Variants in CABP1 observed in about 807,000 individuals in gnomAD.
The protein encoded by CABP1 is calcium binding protein 1.
In CABP1, 17 loss-of-function variants were observed where a neutral mutation model predicts 34.3. The ratio of observed to expected loss-of-function variants is 0.50; its 90% CI spans 0.34 to 0.74. CABP1 has a LOEUF of 0.74. CABP1 is among the 30% of genes least tolerant of loss of function. CABP1 has a pLI of 0.01. For missense variants in CABP1, 373 were observed against 511.1 expected (o/e 0.73, Z 2.61); for synonymous variants, 198 against 229.2 (o/e 0.86, Z 1.23).
chr12:120,646,263 C>G (rs974902382), intron 1 of CABP1, among the ~76,000 whole-genome samples: 1 of 152,206 alleles, frequency 6.6e-6, no homozygotes, highest in Non-Finnish European at 1.5e-5. Flanking sequence ...CATCCAAGTT[C>G]AAAGGCTGGT....
rs757561010 is a variant in CABP1 at position 120,660,190 on chromosome 12, C to T, written c.686-6C>T. On this transcript the variant is annotated splice_region_variant and splice_polypyrimidine_tract_variant and intron_variant, in intron 2 of 5. Coordinates refer to ENST00000316803, the MANE Select transcript of CABP1 (RefSeq NM_001033677.2). This position sits in a 1 kb window ranked among gnomAD's most constrained non-coding sequence, Gnocchi z 5.0. ...TGACCACATCCACCTTTGCTCACTT[C>T]CCCAGAGCTCCGAGAGGCCTTCAGA... 2.5e-6 allele frequency: 4 copies of T among 1,613,864 alleles called. No homozygotes were observed. In the South Asian group the frequency reaches 3.3e-5, roughly 13 times the overall value.
intron 1 of CABP1, among the ~76,000 whole-genome samples, chr12:120,651,882 C>T (rs573135085): frequency 1.3e-5 from 2 of 152,210 alleles, no homozygotes; most frequent in African/African-American, 2.4e-5. Context: ...GTGCCCTCCG[C>T]GCTGTCCCAG....
At position 120,661,483 on chromosome 12, in the gene CABP1, T is replaced by C; in HGVS notation, c.1087+265T>C. 2.3e-6 allele frequency: 1 copy of C among 431,128 alleles called. No individual in the cohort carries two copies. Among genetic ancestry groups the C allele is most frequent in the African/African-American group, 2.0e-5 (1 of 50,138 alleles). The allele number at this position is 431,128 out of a possible 1,614,324, so 26.7% of individuals were successfully genotyped here. A position where few individuals can be genotyped will look rare whatever the true frequency, so the allele number is the denominator to read the frequency against. ...ATTTATCCATCCATTCATCTACCTA[T>C]CTATCCATCTGTCCACCATCCATCC... On this transcript the variant is annotated intron_variant, in intron 5 of 5. Coordinates refer to ENST00000316803, the MANE Select transcript of CABP1 (RefSeq NM_001033677.2). The surrounding 1 kb of genome is among the most constrained non-coding windows in gnomAD (Gnocchi z 5.1).
intron 1 of CABP1, among the ~76,000 whole-genome samples, chr12:120,658,591 T>A (rs553270493): frequency 6.6e-6 from 1 of 152,318 alleles, no homozygotes; most frequent in East Asian, 1.9e-4. Context: ...GGTTGTCCCA[T>A]GAGATGTGAC....
chr12:120,650,463 A>T, intron 1 of CABP1: 1 of 1,460,904 alleles, frequency 6.8e-7, no homozygotes, highest in South Asian at 1.4e-5. Context: ...GAGCAGGAGC[A>T]GGCAGACGAG....
At chr12:120,677,518 T>A in the CABP1 span, among the ~76,000 whole-genome samples, 2 of 147,084 alleles carry the variant, frequency 1.4e-5, no homozygotes, top group Non-Finnish European at 3.0e-5. Flanking sequence ...CACCTCAGCC[T>A]CCCAAGTAGT....
At chr12:120,671,234 G>T (rs932449428), downstream of CABP1, among the ~76,000 whole-genome samples, 1 of 152,110 alleles carries the variant, frequency 6.6e-6, no homozygotes, top group African/African-American at 2.4e-5. Context: ...GTGAAACACC[G>T]TCTCTACTAA....
Position 120,661,118 on chromosome 12 carries a change from G to A in CABP1, c.987G>A (p.Glu329=). Residue 329 remains glutamate, a synonymous_variant, in exon 5 of 6, where the codon GAG becomes GAA. Coordinates refer to ENST00000316803, the MANE Select transcript of CABP1 (RefSeq NM_001033677.2). The surrounding 1 kb of genome is among the most constrained non-coding windows in gnomAD (Gnocchi z 5.1). ...DGEISTSELR[E]AMRKLLGHQV... The stretch of plus-strand genomic sequence containing the variant: ...AAATAAGCACCAGTGAGCTGCGAGA[G>A]GCTATGAGGAAGCTCCTGGGTCATC... 1 of 1,613,914 alleles carries A rather than the reference G, an allele frequency of 6.2e-7. No individual in the cohort carries two copies.
the CABP1 span, among the ~76,000 whole-genome samples, chr12:120,674,567 A>G: frequency 1.3e-5 from 2 of 152,128 alleles, no homozygotes; most frequent in Admixed American, 6.6e-5. Flanking sequence ...GAGTATCATG[A>G]TTGAGGGATG....
intron 1 of CABP1, among the ~76,000 whole-genome samples, chr12:120,650,908 C>T (rs1879807206): frequency 6.6e-6 from 1 of 152,052 alleles, no homozygotes; most frequent in Non-Finnish European, 1.5e-5. Flanking sequence ...GGAATTTGCA[C>T]AAGGCTTAGG....
chr12:120,667,651 G>A (rs1254649817), downstream of CABP1, among the ~76,000 whole-genome samples: 1 of 152,120 alleles, frequency 6.6e-6, no homozygotes, highest in Non-Finnish European at 1.5e-5. Flanking sequence ...ACCACGCCTG[G>A]CTAATTTTTG....
At chr12:120,655,540 G>C in intron 1 of CABP1, 1 of 1,197,954 alleles carries the variant, frequency 8.3e-7, no homozygotes, top group Non-Finnish European at 1.0e-6. Flanking sequence ...CCTCTGGTCT[G>C]GCAGACCAGC....
chr12:120,673,304 G>T, the CABP1 span, among the ~76,000 whole-genome samples: 1 of 152,074 alleles, frequency 6.6e-6, no homozygotes, highest in South Asian at 2.1e-4. Context: ...ATCTAAAAAG[G>T]CCTGGCGTGG....
intron 1 of CABP1, chr12:120,659,264 G>A (rs1277995294): frequency 6.6e-6 from 1 of 152,666 alleles, no homozygotes; most frequent in Non-Finnish European, 1.5e-5. Flanking sequence ...GCCCCATTCT[G>A]TTGCCACGTC....
intron 1 of CABP1, among the ~76,000 whole-genome samples, chr12:120,658,125 A>C (rs1593165642): frequency 1.7e-5 from 2 of 117,682 alleles, no homozygotes; most frequent in East Asian, 2.4e-4. Context: ...ACAGAGTCTC[A>C]CTCTCTTGTC....
the CABP1 span, among the ~76,000 whole-genome samples, chr12:120,678,598 T>C: frequency 6.6e-6 from 1 of 152,176 alleles, no homozygotes; most frequent in Non-Finnish European, 1.5e-5. Context: ...CTTCTAATTA[T>C]ATCCATTGTA....
At chr12:120,671,063 G>A (rs2060767834), downstream of CABP1, among the ~76,000 whole-genome samples, 3 of 152,148 alleles carry the variant, frequency 2.0e-5, no homozygotes, top group South Asian at 2.1e-4. Context: ...TGGTGGGTGG[G>A]TGTGGGGAGG....
At chr12:120,665,375 G>A (rs891019056) in intron 5 of CABP1, among the ~76,000 whole-genome samples, 8 of 151,928 alleles carry the variant, frequency 5.3e-5, no homozygotes, top group Non-Finnish European at 1.0e-4. Context: ...GCAGTGAGCC[G>A]AGATTGTGCC....
the CABP1 span, among the ~76,000 whole-genome samples, chr12:120,672,548 C>T: frequency 1.0e-4 from 15 of 148,430 alleles, no homozygotes; most frequent in East Asian, 3.0e-3. Context: ...AGGAGAATTG[C>T]TTGAACCCAG....
Sources: gnomAD v4.1 joint callset for allele counts (sites outside exome capture counted in the v4.1 genomes callset) on GRCh38, gnomAD v4.1.1 for gene constraint, Gnocchi (gnomAD v3.1) non-coding constraint, MANE v1.5 for transcripts, NCBI Gene and HGNC (gene_info 2026-07-23, HGNC 2026-07-21) for gene names.